The following EPDR1 variants were observed in gnomAD, a reference collection of about 807,000 sequenced individuals.
The protein encoded by EPDR1 is ependymin related 1.
Under a neutral mutation model 23.7 loss-of-function variants are expected in EPDR1, and 27 were observed. The observed-to-expected ratio is 1.14, with a 90% CI of 0.84 to 1.57. The LOEUF is 1.57. Among genes scored for constraint, EPDR1 ranks in the 40% most tolerant of loss-of-function variants. The pLI, the probability that EPDR1 is intolerant of heterozygous loss-of-function variation, is 0.00. For synonymous variants in EPDR1, 137 were observed against 118.2 expected (o/e 1.16, Z -1.03); for missense variants, 349 against 290.4 (o/e 1.20, Z -1.47).
intron 1 of EPDR1, 118 bp from the exon 2 acceptor site, chr7:37,948,722 C>A: frequency 1.4e-6 from 1 of 727,310 alleles, no homozygotes; most frequent in South Asian, 1.7e-5. Context: ...AAGTGATTGC[C>A]TAGCTAGTAA....
intron 1 of EPDR1, 53 bp downstream of exon 1, chr7:37,921,261 A>T: frequency 1.3e-6 from 2 of 1,528,806 alleles, no homozygotes; most frequent in Middle Eastern, 2.1e-4. Flanking sequence ...GGGCATGGGG[A>T]GGGCGAGGTC....
chr7:37,927,092 A>T (rs966166901), intron 1 of EPDR1, among the ~76,000 whole-genome samples: 3 of 152,154 alleles, frequency 2.0e-5, no homozygotes, highest in Admixed American at 2.0e-4. Flanking sequence ...CCTAGGATAA[A>T]CCATTTTTCA....
chr7:37,926,849 C>T, intron 1 of EPDR1: 1 of 331,934 alleles, frequency 3.0e-6, no homozygotes, highest in Non-Finnish European at 6.3e-6. Context: ...TGTACATATC[C>T]CATTCTTCAT....
chr7:37,921,690 G>A (rs1343059002), intron 1 of EPDR1, among the ~76,000 whole-genome samples: 2 of 152,172 alleles, frequency 1.3e-5, no homozygotes, highest in African/African-American at 2.4e-5. Flanking sequence ...ATTACAAACG[G>A]TATGGGAAAG....
At chr7:37,949,568 A>G (rs1378190143) in intron 2 of EPDR1, among the ~76,000 whole-genome samples, 3 of 152,186 alleles carry the variant, frequency 2.0e-5, no homozygotes, top group Non-Finnish European at 4.4e-5. Context: ...TCAAAAAATT[A>G]AAGATAAGAC....
At chr7:37,933,875 T>A (rs1404572020) in intron 1 of EPDR1, among the ~76,000 whole-genome samples, 1 of 152,220 alleles carries the variant, frequency 6.6e-6, no homozygotes, top group Non-Finnish European at 1.5e-5. Context: ...TATAAGAATA[T>A]TCGTTGTTTA....
rs1027407570 is a variant in EPDR1, at chr7:37,950,633, A to G, written c.*237A>G. 13 of 493,718 alleles carry G rather than the reference A, an allele frequency of 2.6e-5. No homozygotes were observed. In the South Asian group the frequency reaches 4.3e-4, roughly 16 times the overall value. 30.6% of individuals were successfully genotyped at this position (493,718 alleles called of 1,614,324 possible). A position where few individuals can be genotyped will look rare whatever the true frequency, so the allele number is the denominator to read the frequency against. ...AACTGACTAGATGGCTAATATGGAC[A>G]CTTTGGGTATTTCTAATGCCTGTTC... On this transcript the variant is annotated 3_prime_UTR_variant, in exon 3 of 3. Transcript: ENST00000199448.
rs1786404877 is a variant in EPDR1, at chr7:37,951,415, G to A, written c.*1019G>A. 1 of 152,200 alleles carries A rather than the reference G, an allele frequency of 6.6e-6. No individual in the cohort carries two copies. Among genetic ancestry groups the A allele is most frequent in the South Asian group, 2.1e-4 (1 of 4,832 alleles). 9.4% of individuals were successfully genotyped at this position (152,200 alleles called of 1,614,324 possible). A position where few individuals can be genotyped will look rare whatever the true frequency, so the allele number is the denominator to read the frequency against. On this transcript the variant is annotated 3_prime_UTR_variant, in exon 3 of 3. Coordinates refer to ENST00000199448, the MANE Select transcript of EPDR1 (RefSeq NM_017549.5). ...CTGGATGAGTTGCACCTTGCATCTT[G>A]AGCATGCATTTCTCACAATAATTAT...
chr7:37,945,285 T>C (rs1420154429), intron 1 of EPDR1, among the ~76,000 whole-genome samples: 3 of 152,350 alleles, frequency 2.0e-5, no homozygotes, highest in East Asian at 1.9e-4. Context: ...ATTAGCTCCA[T>C]TTTTGAGCAA....
At chr7:37,929,346 C>T (rs1785884446) in intron 1 of EPDR1, among the ~76,000 whole-genome samples, 1 of 152,212 alleles carries the variant, frequency 6.6e-6, no homozygotes, top group African/African-American at 2.4e-5. Context: ...TCTCTAACTC[C>T]TCAGAACACT....
At chr7:37,947,168 G>A (rs1190322338) in intron 1 of EPDR1, among the ~76,000 whole-genome samples, 3 of 152,106 alleles carry the variant, frequency 2.0e-5, no homozygotes, top group East Asian at 1.9e-4. Flanking sequence ...CTATACATGC[G>A]TACCATTTTT....
intron 1 of EPDR1, among the ~76,000 whole-genome samples, chr7:37,944,564 G>C (rs536490495): frequency 3.9e-5 from 6 of 152,346 alleles, no homozygotes; most frequent in Admixed American, 3.9e-4. Context: ...GAAGAAGGAA[G>C]AGCAAAGGGA....
chr7:37,924,484 C>T (rs1244013428), intron 1 of EPDR1, among the ~76,000 whole-genome samples: 1 of 152,204 alleles, frequency 6.6e-6, no homozygotes, highest in African/African-American at 2.4e-5. Context: ...ACCCTTCTTC[C>T]ATGACTCCAT....
intron 1 of EPDR1, among the ~76,000 whole-genome samples, chr7:37,924,472 C>A (rs1018655701): frequency 2.0e-5 from 3 of 152,198 alleles, no homozygotes; most frequent in African/African-American, 7.2e-5. Flanking sequence ...TCTGTCTGAG[C>A]AACCCTTCTT....
chr7:37,922,665 T>TGGGGG (rs145894040), intron 1 of EPDR1, among the ~76,000 whole-genome samples: 36 of 150,126 alleles, frequency 2.4e-4, no homozygotes, highest in East Asian at 1.4e-3. Flanking sequence ...TTGAGGAAGC[T>TGGGGG]AGGGGGGGGT....
In EPDR1 at chr7:37,950,350, G is replaced by T. The variant is rs756093480; in HGVS notation, c.629G>T (p.Cys210Phe). 6.2e-7 allele frequency: 1 copy of T among 1,613,862 alleles called. No individual in the cohort carries two copies. Among genetic ancestry groups the T allele is most frequent in the Non-Finnish European group, 8.5e-7 (1 of 1,179,876 alleles). ...DPSVFTPPST[C>F]QMAQLEKMSE... The stretch of plus-strand genomic sequence containing the variant: ...TCGGTGTTTACCCCTCCAAGCACGT[G>T]CCAGATGGCCCAACTGGAGAAGATG... Residue 210 changes from cysteine (C) to phenylalanine (F), a missense_variant, in exon 3 of 3, where the codon TGC becomes TTC. Cys to Phe is a radical substitution (Grantham distance 205). Transcript: ENST00000199448.
chr7:37,939,653 T>G (rs1341464826), intron 1 of EPDR1, among the ~76,000 whole-genome samples: 1 of 152,154 alleles, frequency 6.6e-6, no homozygotes, highest in African/African-American at 2.4e-5. Flanking sequence ...CATGCATAGT[T>G]TTTTCATAAT....
Position 37,938,754 on chromosome 7 carries a change from T to C in EPDR1, c.270-10086T>C, listed in dbSNP as rs140541868. Reference sequence around the variant, plus strand: ...AGAAATGCTTCAGGATCTTGACCACTTGTGTAAAATTTCCATTGAAGGGTC... The same window carrying C: ...AGAAATGCTTCAGGATCTTGACCACCTGTGTAAAATTTCCATTGAAGGGTC... On this transcript the variant is annotated intron_variant, in intron 1 of 2. Transcript: ENST00000199448. Among the ~76,000 whole-genome samples the C allele has an allele frequency of 1.2e-4, 19 of 152,332 alleles. No homozygotes were observed. In the East Asian group the frequency reaches 3.7e-3, roughly 29 times the overall value.
chr7:37,934,893 A>G (rs935764), intron 1 of EPDR1, among the ~76,000 whole-genome samples: 150,984 of 152,224 alleles, frequency 0.99, 74,893 homozygotes, highest in South Asian at 1. Context: ...TGCAGTAAGC[A>G]AAAATAATGC....
Sources: allele counts gnomAD v4.1 joint callset (sites outside exome capture counted in the v4.1 genomes callset), GRCh38; gene constraint gnomAD v4.1.1; transcripts MANE v1.5; gene names NCBI Gene and HGNC (gene_info 2026-07-23, HGNC 2026-07-21).